The following BACE2 variants were observed in gnomAD, a reference collection of about 807,000 sequenced individuals.
The protein encoded by BACE2 is beta-secretase 2.
A neutral mutation model predicts 46.2 loss-of-function variants in BACE2; 17 were observed. The observed-to-expected ratio is 0.37, with a 90% CI of 0.25 to 0.55. The LOEUF (loss-of-function observed/expected upper bound fraction) is 0.55, where lower values mean the gene tolerates loss of function less well. Among genes scored for constraint, BACE2 ranks in the 20% least tolerant of loss-of-function variants. The pLI is 0.82. For synonymous variants in BACE2, 277 were observed against 295.9 expected, an observed-to-expected ratio of 0.94 and a Z score of 0.66; for missense variants, 595 against 698.1, an observed-to-expected ratio of 0.85 and a Z score of 1.66.
chr21:41,202,962 C>G, intron 1 of BACE2, among the ~76,000 whole-genome samples: 1 of 152,250 alleles, frequency 6.6e-6, no homozygotes. Flanking sequence ...GTGACTGAGT[C>G]TGGTTATTGT....
intron 1 of BACE2, among the ~76,000 whole-genome samples, chr21:41,217,077 G>A (rs1645902707): frequency 6.6e-6 from 1 of 152,146 alleles, no homozygotes; most frequent in African/African-American, 2.4e-5. Context: ...GATTACAGGT[G>A]TGTGCCACCA....
intron 1 of BACE2, among the ~76,000 whole-genome samples, chr21:41,171,008 A>G (rs1279787460): frequency 1.3e-5 from 2 of 152,216 alleles, no homozygotes; most frequent in Non-Finnish European, 2.9e-5. Flanking sequence ...AGGGAGGGCC[A>G]AAAATGGAAG....
At chr21:41,271,662 T>G (rs1283354596) in intron 8 of BACE2, among the ~76,000 whole-genome samples, 1 of 152,188 alleles carries the variant, frequency 6.6e-6, no homozygotes, top group Non-Finnish European at 1.5e-5. Flanking sequence ...ATCGTGAAAT[T>G]TTAGTGGTTG....
At chr21:41,244,413 T>C (rs1017252230) in intron 5 of BACE2, among the ~76,000 whole-genome samples, 1 of 152,054 alleles carries the variant, frequency 6.6e-6, no homozygotes, top group African/African-American at 2.4e-5. Context: ...TTTGGGTAGG[T>C]AGTGGAAAAT....
chr21:41,168,937 T>G (rs970438418), intron 1 of BACE2, among the ~76,000 whole-genome samples: 7 of 151,690 alleles, frequency 4.6e-5, no homozygotes, highest in African/African-American at 1.7e-4. Context: ...CGGTGGGCCT[T>G]GGGCGACGGG....
At chr21:41,187,065 A>G (rs907378009) in intron 1 of BACE2, among the ~76,000 whole-genome samples, 1 of 152,220 alleles carries the variant, frequency 6.6e-6, no homozygotes, top group Non-Finnish European at 1.5e-5. Flanking sequence ...TCTGGAATCA[A>G]GTCCCGCCTC....
chr21:41,179,007 T>C (rs1984966429), intron 1 of BACE2: 1 of 956,874 alleles, frequency 1.0e-6, no homozygotes, highest in Non-Finnish European at 1.4e-6. Context: ...TGAGGAGGAC[T>C]GAGCCTTCAG....
chr21:41,235,629 G>A lies in BACE2; in HGVS notation c.402-1884G>A, dbSNP rs559215247. ...AGGTAGGAGGATTACTTGAGCCCAG[G>A]AGTTTGAGACTAGCTCGGGCAATAT... On this transcript the variant is annotated intron_variant, in intron 2 of 8. Coordinates refer to ENST00000330333, the MANE Select transcript of BACE2 (RefSeq NM_012105.5). 4.6e-5 allele frequency among the ~76,000 whole-genome samples: 7 copies of A among 152,338 alleles called. No homozygotes were observed. The East Asian group carries it at 1.3e-3, about 29-fold the overall frequency.
At chr21:41,196,315 C>CA (rs58910330) in intron 1 of BACE2, among the ~76,000 whole-genome samples, 113 of 129,494 alleles carry the variant, frequency 8.7e-4, no homozygotes, top group Middle Eastern at 3.7e-3. Context: ...AAAACAAAAC[C>CA]AAAAAAAAAA....
rs73368329 is a variant in BACE2 at position 41,261,272 on chromosome 21, G to A, written c.1303+3946G>A. Reference sequence around the variant, plus strand: ...ATATGAGAATTTCCATTCCCTAAAAGCATGACTGTATTTGTTTTGTCTTTG... The same window carrying A: ...ATATGAGAATTTCCATTCCCTAAAAACATGACTGTATTTGTTTTGTCTTTG... On this transcript the variant is annotated intron_variant, in intron 8 of 8. Transcript: ENST00000330333. Among the ~76,000 whole-genome samples, 532 of 152,220 alleles carry A rather than the reference G, an allele frequency of 3.5e-3. 1 individual carries two copies. The highest frequency in any genetic ancestry group is 0.012 in the African/African-American group (481 of 41,536).
intron 8 of BACE2, among the ~76,000 whole-genome samples, chr21:41,266,391 A>G (rs1023552419): frequency 2.0e-5 from 3 of 152,102 alleles, no homozygotes; most frequent in African/African-American, 7.2e-5. Context: ...GTGAGCTTAT[A>G]TTTAGAGGGA....
At chr21:41,219,044 G>A (rs764048583) in intron 1 of BACE2, among the ~76,000 whole-genome samples, 7 of 152,120 alleles carry the variant, frequency 4.6e-5, no homozygotes, top group Non-Finnish European at 7.4e-5. Flanking sequence ...TGTATTTTTA[G>A]TAGAGACGGG....
At chr21:41,176,847 A>G (rs1984865886) in intron 1 of BACE2, 1 of 152,246 alleles carries the variant, frequency 6.6e-6, no homozygotes, top group African/African-American at 2.4e-5. Flanking sequence ...AGGCAAAGTG[A>G]AAAAGACATA....
chr21:41,273,686 C>T (rs571638903), intron 8 of BACE2, among the ~76,000 whole-genome samples: 17 of 152,120 alleles, frequency 1.1e-4, no homozygotes, highest in Non-Finnish European at 2.4e-4. Context: ...AGGTGGCATA[C>T]ATTCTCAGCT....
At position 41,275,407 on chromosome 21, in the gene BACE2, C is replaced by T. The variant is rs2088474609; in HGVS notation, c.1340C>T (p.Pro447Leu). 2 of 1,614,190 alleles carry T rather than the reference C, an allele frequency of 1.2e-6. No individual in the cohort carries two copies. Among genetic ancestry groups the T allele is most frequent in the East Asian group, 4.5e-5 (2 of 44,884 alleles). ...GCTGCAGTGTCTGAAATTTCCGGGC[C>T]TTTCTCAACAGAGGATGTAGCCAGC... is the stretch of plus-strand genomic sequence containing the variant. ...AGAAVSEISG[P>L]FSTEDVASNC... Residue 447 changes from proline to leucine, a missense_variant, in exon 9 of 9, where the codon CCT becomes CTT. By Grantham distance (98) the Pro-to-Leu change is moderately conservative. Around this residue, in one of 3 missense-constraint regions of BACE2, gnomAD observed 343 missense variants for 419.4 expected, o/e 0.82. Transcript: ENST00000330333.
rs1385966035 is a variant in BACE2, at chr21:41,281,511, G to GTTTT, written c.*5889_*5892dup. 1 of 152,198 alleles carries GTTTT rather than the reference G, an allele frequency of 6.6e-6. No individual in the cohort carries two copies. The highest frequency in any genetic ancestry group is 2.4e-5 in the African/African-American group (1 of 41,456). 9.4% of individuals were successfully genotyped at this position (152,198 alleles called of 1,614,324 possible). ...AGTGTCTCCAAAGGTCAGGACATAT[G>GTTTT]TTTTTCTGTTGAGTGCTATATGTGG... On this transcript the variant is annotated 3_prime_UTR_variant, in exon 9 of 9. Transcript: ENST00000330333.
rs1192969299 is a variant in BACE2, at chr21:41,193,116, C to A, written c.312+24541C>A. Among the ~76,000 whole-genome samples, 1 of 152,190 alleles carries A rather than the reference C, an allele frequency of 6.6e-6. No individual in the cohort carries two copies. Among genetic ancestry groups the A allele is most frequent in the African/African-American group, 2.4e-5 (1 of 41,452 alleles). On this transcript the variant is annotated intron_variant, in intron 1 of 8. Transcript: ENST00000330333. The surrounding 1 kb of genome is among the most constrained non-coding windows in gnomAD (Gnocchi z 4.2). The stretch of plus-strand genomic sequence containing the variant: ...TCAAACTAATGGACCAGTGTGATAT[C>A]TCGTGGAAACGAAAAGCGATCAAGG...
intron 8 of BACE2, 112 bp downstream of exon 8, chr21:41,257,438 C>T (rs1041793609): frequency 8.3e-6 from 10 of 1,207,338 alleles, no homozygotes; most frequent in Non-Finnish European, 1.2e-5. Flanking sequence ...TTGTTTCACT[C>T]ATTCCTATCA....
chr21:41,259,154 A>G (rs148153373), intron 8 of BACE2, among the ~76,000 whole-genome samples: 1 of 152,334 alleles, frequency 6.6e-6, no homozygotes, highest in Non-Finnish European at 1.5e-5. Context: ...GAAATGGTGT[A>G]ATATTAGGCG....
Sources: allele counts gnomAD v4.1 joint callset (sites outside exome capture counted in the v4.1 genomes callset), GRCh38; gene constraint gnomAD v4.1.1; regional missense constraint gnomAD v4.1.1; non-coding constraint Gnocchi (gnomAD v3.1); transcripts MANE v1.5; gene names NCBI Gene and HGNC (gene_info 2026-07-23, HGNC 2026-07-21).